LRRC1: variants seen among roughly 807,000 people sequenced by gnomAD.
The protein encoded by LRRC1 is leucine-rich repeat-containing protein 1.
LRRC1 carries 28 observed loss-of-function variants against 69.9 expected under a neutral mutation model. The observed-to-expected ratio is 0.40, with a 90% CI of 0.30 to 0.55. The LOEUF is 0.55. Among genes scored for constraint, LRRC1 ranks in the 20% least tolerant of loss-of-function variants. The pLI is 0.47. For synonymous variants in LRRC1, 236 were observed against 240.2 expected (o/e 0.98, Z 0.16); for missense variants, 498 against 609.0 (o/e 0.82, Z 1.92).
At chr6:53,860,032 T>G (rs1406237296) in intron 2 of LRRC1, among the ~76,000 whole-genome samples, 4 of 152,218 alleles carry the variant, frequency 2.6e-5, no homozygotes, top group Non-Finnish European at 1.5e-5. Context: ...CCTTTCACCC[T>G]AAGTTTGGAT....
At chr6:53,854,067 C>T (rs1002252148) in intron 2 of LRRC1, among the ~76,000 whole-genome samples, 1 of 152,190 alleles carries the variant, frequency 6.6e-6, no homozygotes, top group Admixed American at 6.5e-5. Context: ...ATAGTCATAT[C>T]TTCTCTGAGC....
intron 1 of LRRC1, among the ~76,000 whole-genome samples, chr6:53,814,389 T>C (rs6458958): frequency 0.83 from 125,620 of 152,260 alleles, 52,025 homozygotes; most frequent in East Asian, 0.92. Context: ...TTGAACCTCT[T>C]TGGGAATTAT....
chr6:53,857,162 C>T (rs1766336840), intron 2 of LRRC1, among the ~76,000 whole-genome samples: 1 of 152,064 alleles, frequency 6.6e-6, no homozygotes, highest in East Asian at 1.9e-4. Context: ...TGAGAGTCAT[C>T]CATCTGTCGG....
intron 6 of LRRC1, 124 bp from the exon 7 acceptor site, chr6:53,897,161 G>T: frequency 8.9e-6 from 6 of 677,618 alleles, no homozygotes; most frequent in Non-Finnish European, 1.5e-5. Context: ...GATGTTAAGA[G>T]AAGTACCAGT....
chr6:53,799,318 T>G (rs1764397875), intron 1 of LRRC1, among the ~76,000 whole-genome samples: 1 of 152,216 alleles, frequency 6.6e-6, no homozygotes, highest in Admixed American at 6.5e-5. Flanking sequence ...TCTTTGTCTC[T>G]CTCCCTAACT....
At position 53,795,290 on chromosome 6, in the gene LRRC1, C is replaced by A. The variant is rs573873817; in HGVS notation, c.34C>A (p.Arg12Ser). The change falls in exon 1 of 14, where the codon CGT (arginine) becomes AGT (serine). Residue 12 changes from arginine to serine, a missense_variant. Around this residue, in one of 3 missense-constraint regions of LRRC1, gnomAD observed 70 missense variants for 62.1 expected, o/e 1.13. Transcript: ENST00000370888. ...CTGCATCCCCCTGTGGCGGTGCAACCGTCATGTGGAGAGCATCGACAAGCG... is the reference window on the plus strand; with the variant it reads ...CTGCATCCCCCTGTGGCGGTGCAACAGTCATGTGGAGAGCATCGACAAGCG... ...FHCIPLWRCNRHVESIDKRHC... is the reference protein window; with the variant it reads ...FHCIPLWRCNSHVESIDKRHC... 2 of 1,612,604 alleles carry A rather than the reference C, an allele frequency of 1.2e-6. No homozygotes were observed. Among genetic ancestry groups the A allele is most frequent in the East Asian group, 2.2e-5 (1 of 44,844 alleles).
chr6:53,852,571 G>A (rs1766173263), intron 2 of LRRC1, among the ~76,000 whole-genome samples: 1 of 152,166 alleles, frequency 6.6e-6, no homozygotes, highest in African/African-American at 2.4e-5. Flanking sequence ...GCTTAAAGAA[G>A]TTGTCATGTG....
chr6:53,809,742 C>T (rs1027479003), intron 1 of LRRC1, among the ~76,000 whole-genome samples: 2 of 152,168 alleles, frequency 1.3e-5, no homozygotes, highest in African/African-American at 4.8e-5. Flanking sequence ...GTAGTTTCCC[C>T]TTAGTGGAGG....
intron 10 of LRRC1, among the ~76,000 whole-genome samples, chr6:53,911,265 T>A (rs189018880): frequency 1.3e-3 from 202 of 152,364 alleles, no homozygotes; most frequent in Non-Finnish European, 2.6e-4. Flanking sequence ...CCCAAATGAT[T>A]AATGGATCTT....
chr6:53,822,352 G>A (rs1426299854), intron 1 of LRRC1, among the ~76,000 whole-genome samples: 1 of 152,192 alleles, frequency 6.6e-6, no homozygotes, highest in African/African-American at 2.4e-5. Context: ...ACATTTTAAT[G>A]AAGTACACCC....
chr6:53,902,823 A>C (rs1768101484), intron 9 of LRRC1, 76 bp downstream of exon 9: 1 of 912,028 alleles, frequency 1.1e-6, no homozygotes, highest in African/African-American at 1.7e-5. Flanking sequence ...GAGTGGACTA[A>C]ATGGAAATTT....
At position 53,829,224 on chromosome 6, in the gene LRRC1, G is replaced by C. The variant is rs567074194; in HGVS notation, c.160-12886G>C. Among the ~76,000 whole-genome samples the C allele has an allele frequency of 1.1e-4, 17 of 152,258 alleles. No homozygotes were observed. The South Asian group carries it at 3.3e-3, about 30-fold the overall frequency. On this transcript the variant is annotated intron_variant, in intron 1 of 13. Transcript: ENST00000370888. ...ACACATCTATGTAATCTGGACCCAG[G>C]CAGGTAATCTCTCTGTGCTTCAGTT...
intron 1 of LRRC1, among the ~76,000 whole-genome samples, chr6:53,816,247 A>AT (rs573696442): frequency 4.5e-4 from 68 of 151,916 alleles, no homozygotes; most frequent in Middle Eastern, 3.4e-3. Flanking sequence ...CAAAATTTAC[A>AT]TTTTTTTTCT....
At chr6:53,845,474 G>A (rs1412684529) in intron 2 of LRRC1, among the ~76,000 whole-genome samples, 1 of 152,154 alleles carries the variant, frequency 6.6e-6, no homozygotes, top group Non-Finnish European at 1.5e-5. Context: ...TGAGGTTTGC[G>A]GCTGGTGCCT....
At chr6:53,837,002 TA>T (rs1434619510) in intron 1 of LRRC1, among the ~76,000 whole-genome samples, 1 of 152,204 alleles carries the variant, frequency 6.6e-6, no homozygotes, top group East Asian at 1.9e-4. Flanking sequence ...TGCCTGGCTT[TA>T]TTCACTGAAC....
intron 2 of LRRC1, among the ~76,000 whole-genome samples, chr6:53,866,708 T>A (rs927315581): frequency 1.3e-5 from 2 of 152,150 alleles, no homozygotes; most frequent in Non-Finnish European, 2.9e-5. Flanking sequence ...CATTTTAACA[T>A]TGTGTACTGA....
At chr6:53,877,355 A>G (rs2127429486) in intron 2 of LRRC1, among the ~76,000 whole-genome samples, 1 of 152,296 alleles carries the variant, frequency 6.6e-6, no homozygotes. Flanking sequence ...ACCTTTGAAC[A>G]TGCCCTGGAG....
chr6:53,806,646 G>A (rs570819744), intron 1 of LRRC1, among the ~76,000 whole-genome samples: 1 of 152,264 alleles, frequency 6.6e-6, no homozygotes, highest in East Asian at 1.9e-4. Flanking sequence ...GTGAACCTTT[G>A]ATGAGTGGTG....
At chr6:53,845,574 G>A (rs527566970) in intron 2 of LRRC1, among the ~76,000 whole-genome samples, 6 of 152,220 alleles carry the variant, frequency 3.9e-5, no homozygotes, top group East Asian at 3.9e-4. Flanking sequence ...TCCCTGCCCC[G>A]CCTCAGTGGT....
Sources: gnomAD v4.1 joint callset for allele counts (sites outside exome capture counted in the v4.1 genomes callset) on GRCh38, gnomAD v4.1.1 for gene constraint, gnomAD v4.1.1 regional missense constraint, MANE v1.5 for transcripts, NCBI Gene and HGNC (gene_info 2026-07-23, HGNC 2026-07-21) for gene names.